ZNF524: variants seen among roughly 807,000 people sequenced by gnomAD.
ZNF524 encodes the protein zinc finger protein 524.
For synonymous variants in ZNF524, 194 were observed against 166.3 expected (o/e 1.17, Z -1.28); for missense variants, 388 against 380.1 (o/e 1.02, Z -0.17).
intron 1 of ZNF524, chr19:55,600,658 T>C (rs1315427236): frequency 6.6e-6 from 1 of 151,864 alleles, no homozygotes; most frequent in Non-Finnish European, 1.5e-5. Context: ...CGGGGGCCGA[T>C]GGGCGCGTCA....
upstream of ZNF524, chr19:55,600,238 A>C (rs544779132): frequency 1.3e-5 from 2 of 149,544 alleles, no homozygotes; most frequent in Non-Finnish European, 3.0e-5. Flanking sequence ...GAAGGGCAGG[A>C]AGGGAGGGGC....
At position 55,602,352 on chromosome 19, in the gene ZNF524, C is replaced by A. The variant is rs764772214; in HGVS notation, c.240C>A (p.Gly80=). 4 of 1,561,582 alleles carry A rather than the reference C, an allele frequency of 2.6e-6. No individual in the cohort carries two copies. Among genetic ancestry groups the A allele is most frequent in the Non-Finnish European group, 3.5e-6 (4 of 1,153,308 alleles). ...TGACAGCCCCAGTAGGCAGCAGTGGCGGGAGCGACCTCCTCCTGATCGATG... is the reference window on the plus strand; with the variant it reads ...TGACAGCCCCAGTAGGCAGCAGTGGAGGGAGCGACCTCCTCCTGATCGATG... The part of the protein sequence containing the change: ...QGVTAPVGSS[G]GSDLLLIDDQ... The change falls in exon 2 of 2, where the codon GGC becomes GGA. Residue 80 remains glycine (G), a synonymous_variant. Coordinates refer to ENST00000301073, the MANE Select transcript of ZNF524 (RefSeq NM_153219.4).
Position 55,602,869 on chromosome 19 carries a change from G to C in ZNF524, c.757G>C (p.Glu253Gln), listed in dbSNP as rs774500438. Residue 253 changes from glutamate to glutamine, a missense_variant, in exon 2 of 2, where the codon GAG (glutamate) becomes CAG (glutamine). Coordinates refer to ENST00000301073, the MANE Select transcript of ZNF524 (RefSeq NM_153219.4). ...EGIPATAGAE[E>Q]EEETEGKGEP... ...CATCCCGGCCACAGCAGGGGCCGAG[G>C]AGGAGGAGGAGACAGAGGGGAAAGG... The C allele has an allele frequency of 1.9e-6, 3 of 1,599,966 alleles. No individual in the cohort carries two copies. In the East Asian group the frequency reaches 6.8e-5, roughly 36 times the overall value.
In ZNF524 at chr19:55,602,791, GTACC is replaced by G; in HGVS notation, c.680_683del (p.Val227AlafsTer?). The G allele has an allele frequency of 1.9e-6, 3 of 1,611,126 alleles. No individual in the cohort carries two copies. The highest frequency in any genetic ancestry group is 2.5e-6 in the Non-Finnish European group (3 of 1,179,774). On this transcript the variant is annotated frameshift_variant, in exon 2 of 2. Coordinates refer to ENST00000301073, the MANE Select transcript of ZNF524 (RefSeq NM_153219.4). LOFTEE classifies it low-confidence loss of function (END_TRUNC). ...GCGCAAGCACCCGGAGGCCATGGGG[GTACC>G]CCTGTGTGCACCAGATCCAGGGTCT...
intron 1 of ZNF524, 60 bp downstream of exon 1, chr19:55,600,468 C>T (rs1361732964): frequency 6.7e-6 from 1 of 150,372 alleles, no homozygotes; most frequent in Non-Finnish European, 1.5e-5. Context: ...GGAGGCCGGG[C>T]CGCGCGCTCC....
At chr19:55,599,626 T>G (rs1450113175), upstream of ZNF524, 1 of 152,144 alleles carries the variant, frequency 6.6e-6, no homozygotes, top group East Asian at 1.9e-4. Flanking sequence ...CCCTTCTCCC[T>G]CTTTCCCTTT....
rs1169550229 is a variant in ZNF524 at position 55,602,220 on chromosome 19, T to C, written c.108T>C (p.Pro36=). ...CCCGGGGCCGCCGAGGCCGTCGTCCTGGGGGAGCCACCTCCTCAAATCGGA... is the reference window on the plus strand; with the variant it reads ...CCCGGGGCCGCCGAGGCCGTCGTCCCGGGGGAGCCACCTCCTCAAATCGGA... ...PVPRGRRGRR[P]GGATSSNRTL... The change falls in exon 2 of 2, where the codon CCT becomes CCC. Residue 36 remains proline, a synonymous_variant. Coordinates refer to ENST00000301073, the MANE Select transcript of ZNF524 (RefSeq NM_153219.4). The C allele has an allele frequency of 6.2e-7, 1 of 1,612,498 alleles. No individual in the cohort carries two copies. The highest frequency in any genetic ancestry group is 8.5e-7 in the Non-Finnish European group (1 of 1,179,580).
Position 55,602,545 on chromosome 19 carries a change from A to T in ZNF524, c.433A>T (p.Lys145Ter). The T allele has an allele frequency of 6.3e-7, 1 of 1,592,194 alleles. No homozygotes were observed. Among genetic ancestry groups the T allele is most frequent in the Middle Eastern group, 1.7e-4 (1 of 6,044 alleles). ...SHSELKPHQC[K>*]VCGKTFKRSS... Reference sequence around the variant, plus strand: ...CTCAGAGCTGAAGCCGCACCAGTGCAAGGTTTGCGGCAAGACCTTCAAGCG... The same window carrying T: ...CTCAGAGCTGAAGCCGCACCAGTGCTAGGTTTGCGGCAAGACCTTCAAGCG... Residue 145 changes from lysine (K) to a stop codon, truncating the protein, a stop_gained, in exon 2 of 2, where the codon AAG becomes TAG. Transcript: ENST00000301073. LOFTEE classifies it low-confidence loss of function (END_TRUNC).
chr19:55,601,907 A>G (rs2123571508), intron 1 of ZNF524, 168 bp from the exon 2 acceptor site: 1 of 442,120 alleles, frequency 2.3e-6, no homozygotes, highest in African/African-American at 2.0e-5. Context: ...CAGCTGATAC[A>G]AGATCATCTC....
intron 1 of ZNF524, 72 bp from the exon 2 acceptor site, chr19:55,602,003 G>T: frequency 4.1e-6 from 4 of 981,416 alleles, no homozygotes; most frequent in Admixed American, 2.6e-5. Flanking sequence ...AGAGAGGGAT[G>T]GGCGAGGTGT....
rs1436948487 is a variant in ZNF524, at chr19:55,602,643, C to T, written c.531C>T (p.Arg177=). The T allele has an allele frequency of 6.3e-7, 1 of 1,592,240 alleles. No individual in the cohort carries two copies. Among genetic ancestry groups the T allele is most frequent in the Admixed American group, 1.7e-5 (1 of 58,794 alleles). The change falls in exon 2 of 2, where the codon CGC becomes CGT. Residue 177 remains arginine (R), a synonymous_variant. Coordinates refer to ENST00000301073, the MANE Select transcript of ZNF524 (RefSeq NM_153219.4). The part of the protein sequence containing the change: ...LRPFRCPLCP[R]RFREAGELAH... ...CCTTCCGCTGCCCGCTGTGCCCCCG[C>T]CGCTTCCGCGAGGCGGGCGAGCTGG... is the stretch of plus-strand genomic sequence containing the variant.
At position 55,600,288 on chromosome 19, in the gene ZNF524, G is replaced by GCCGCCC. The variant is rs1158841370; in HGVS notation, c.-153_-148dup. 2 of 149,316 alleles carry GCCGCCC rather than the reference G, an allele frequency of 1.3e-5. No individual in the cohort carries two copies. The highest frequency in any genetic ancestry group is 1.3e-4 in the Admixed American group (2 of 15,038). 9.2% of individuals were successfully genotyped at this position (149,316 alleles called of 1,614,324 possible). A position where few individuals can be genotyped will look rare whatever the true frequency, so the allele number is the denominator to read the frequency against. The stretch of plus-strand genomic sequence containing the variant: ...AGGGGCGGGGCCGGCACCGCGCGCC[G>GCCGCCC]CCGCCCCCGCCTCGCCGCCGCCGAG... On this transcript the variant is annotated 5_prime_UTR_variant, in exon 1 of 2. Coordinates refer to ENST00000301073, the MANE Select transcript of ZNF524 (RefSeq NM_153219.4).
Position 55,602,374 on chromosome 19 carries a change from G to A in ZNF524, c.262G>A (p.Asp88Asn), listed in dbSNP as rs1409658630. The A allele has an allele frequency of 1.3e-6, 2 of 1,565,220 alleles. No individual in the cohort carries two copies. Among genetic ancestry groups the A allele is most frequent in the Non-Finnish European group, 8.7e-7 (1 of 1,155,820 alleles). ...SSGGSDLLLI[D>N]DQGVPYTVSE... is the part of the protein sequence containing the mutation. ...TGGCGGGAGCGACCTCCTCCTGATC[G>A]ATGATCAGGGTGTGCCCTATACGGT... Residue 88 changes from aspartate to asparagine, a missense_variant, in exon 2 of 2, where the codon GAT becomes AAT. Transcript: ENST00000301073.
Position 55,603,058 on chromosome 19 carries a change from C to T in ZNF524, c.*151C>T. 3 of 932,374 alleles carry T rather than the reference C, an allele frequency of 3.2e-6. No homozygotes were observed. Among genetic ancestry groups the T allele is most frequent in the Non-Finnish European group, 4.8e-6 (3 of 630,308 alleles). The allele number at this position is 932,374 out of a possible 1,614,324, so 57.8% of individuals were successfully genotyped here. ...AGGGTGGAGACCTAAACTTTGGGGT[C>T]CAGCTGCCTTCAGCCCCCCTCCCCC... On this transcript the variant is annotated 3_prime_UTR_variant, in exon 2 of 2. Transcript: ENST00000301073.
In ZNF524 at chr19:55,600,307, C is replaced by T. The variant is rs924886868; in HGVS notation, c.-140C>T. The stretch of plus-strand genomic sequence containing the variant: ...CGCGCCGCCGCCCCCGCCTCGCCGC[C>T]GCCGAGGGGCAGGGCCCCCTCACCC... On this transcript the variant is annotated 5_prime_UTR_variant, in exon 1 of 2. Coordinates refer to ENST00000301073, the MANE Select transcript of ZNF524 (RefSeq NM_153219.4). 1.8e-4 allele frequency: 27 copies of T among 149,966 alleles called. No individual in the cohort carries two copies. The highest frequency in any genetic ancestry group is 1.2e-4 in the African/African-American group (5 of 41,032). 9.3% of individuals were successfully genotyped at this position (149,966 alleles called of 1,614,324 possible).
At position 55,602,189 on chromosome 19, in the gene ZNF524, C is replaced by G. The variant is rs200092560; in HGVS notation, c.77C>G (p.Pro26Arg). ...EEEKPLALSPPVPRGRRGRRP... is the reference protein window; with the variant it reads ...EEEKPLALSPRVPRGRRGRRP... ...GAGAAACCTCTGGCCTTATCTCCTC[C>G]TGTTCCCCGGGGCCGCCGAGGCCGT... The change falls in exon 2 of 2, where the codon CCT becomes CGT. Residue 26 changes from proline to arginine, a missense_variant. Physicochemically the swap from Pro to Arg is moderately radical, Grantham distance 103. Transcript: ENST00000301073. 6.2e-7 allele frequency: 1 copy of G among 1,610,598 alleles called. No homozygotes were observed. The highest frequency in any genetic ancestry group is 8.5e-7 in the Non-Finnish European group (1 of 1,178,382).
Position 55,602,197 on chromosome 19 carries a change from C to A in ZNF524, c.85C>A (p.Arg29=). ...TCTGGCCTTATCTCCTCCTGTTCCC[C>A]GGGGCCGCCGAGGCCGTCGTCCTGG... is the stretch of plus-strand genomic sequence containing the variant. ...KPLALSPPVP[R]GRRGRRPGGA... Residue 29 remains arginine, a synonymous_variant, in exon 2 of 2, where the codon CGG becomes AGG. Coordinates refer to ENST00000301073, the MANE Select transcript of ZNF524 (RefSeq NM_153219.4). The A allele has an allele frequency of 6.2e-7, 1 of 1,611,646 alleles. No individual in the cohort carries two copies. The highest frequency in any genetic ancestry group is 8.5e-7 in the Non-Finnish European group (1 of 1,179,048).
rs550454227 is a variant in ZNF524 at position 55,600,357 on chromosome 19, C to T, written c.-90C>T. 44 of 149,594 alleles carry T rather than the reference C, an allele frequency of 2.9e-4. 1 individual carries two copies. In the East Asian group the frequency reaches 7.6e-3, roughly 26 times the overall value. The allele number at this position is 149,594 out of a possible 1,614,324, so 9.3% of individuals were successfully genotyped here. ...CCCTCCCCTTCCCACGCGCCGGCCC[C>T]GTTGCCCCCGCGCGCGCGCACACTC... is the stretch of plus-strand genomic sequence containing the variant. On this transcript the variant is annotated 5_prime_UTR_variant, in exon 1 of 2. Coordinates refer to ENST00000301073, the MANE Select transcript of ZNF524 (RefSeq NM_153219.4).
At chr19:55,599,759 C>G (rs1980546710), upstream of ZNF524, 1 of 152,294 alleles carries the variant, frequency 6.6e-6, no homozygotes, top group Non-Finnish European at 1.5e-5. Flanking sequence ...GAGCTGAGAG[C>G]GAGGGGGCTT....
Sources: gnomAD v4.1 joint callset for allele counts on GRCh38, gnomAD v4.1.1 for gene constraint, MANE v1.5 for transcripts, NCBI Gene and HGNC (gene_info 2026-07-23, HGNC 2026-07-21) for gene names.